DIAPH1: variants seen among roughly 807,000 people sequenced by gnomAD.
The protein encoded by DIAPH1 is diaphanous related formin 1.
DIAPH1 carries 46 observed loss-of-function variants against 140.7 expected under a neutral mutation model. That is an observed-to-expected ratio of 0.33 (90% CI 0.26 to 0.42). DIAPH1 has a LOEUF of 0.42. Ranked by LOEUF, DIAPH1 falls within the 10% of genes least tolerant of loss-of-function variation. DIAPH1 has a pLI of 1.00. For missense variants in DIAPH1, 1,310 were observed against 1,558.7 expected (o/e 0.84, Z 2.69); for synonymous variants, 565 against 551.6 (o/e 1.02, Z -0.34).
chr5:141,618,951 G>A lies in DIAPH1; in HGVS notation c.-37C>T, dbSNP rs1394776845. The A allele has an allele frequency of 8.0e-7, 1 of 1,249,586 alleles. No individual in the cohort carries two copies. Among genetic ancestry groups the A allele is most frequent in the Non-Finnish European group, 1.1e-6 (1 of 932,946 alleles). 77.4% of individuals were successfully genotyped at this position (1,249,586 alleles called of 1,614,324 possible). On this transcript the variant is annotated 5_prime_UTR_variant, in exon 1 of 28. Coordinates refer to ENST00000389054, the MANE Select transcript of DIAPH1 (RefSeq NM_005219.5). ...CGCTGGCCGGCGACCCCGCGCCTACGCCGCTCCCGCCTGGCAGCTCCGCGC... is the reference window on the plus strand; with the variant it reads ...CGCTGGCCGGCGACCCCGCGCCTACACCGCTCCCGCCTGGCAGCTCCGCGC...
In DIAPH1 at chr5:141,527,648, A is replaced by G. The variant is rs906341811; in HGVS notation, c.3198T>C (p.Ile1066=). The change falls in exon 24 of 28, where the codon ATT becomes ATC. Residue 1066 remains isoleucine, a synonymous_variant. Transcript: ENST00000389054. ...TCTGAACATCACGTTCCACATCAGAAATTTGTTTCTTCATCTGATCTAGGT... is the reference window on the plus strand; with the variant it reads ...TCTGAACATCACGTTCCACATCAGAGATTTGTTTCTTCATCTGATCTAGGT... ...QKNLDQMKKQ[I]SDVERDVQNF... is the part of the protein sequence containing the mutation. 15 of 1,604,664 alleles carry G rather than the reference A, an allele frequency of 9.3e-6. No individual in the cohort carries two copies. Among genetic ancestry groups the G allele is most frequent in the Middle Eastern group, 1.7e-4 (1 of 6,038 alleles).
intron 7 of DIAPH1, 188 bp downstream of exon 7, chr5:141,582,124 G>T: frequency 3.7e-6 from 1 of 267,012 alleles, no homozygotes; most frequent in Non-Finnish European, 7.1e-6. Flanking sequence ...CTCTGAAACA[G>T]AAGTTAGAAC....
chr5:141,591,106 C>T (rs2099898326), intron 1 of DIAPH1, among the ~76,000 whole-genome samples: 1 of 152,148 alleles, frequency 6.6e-6, no homozygotes, highest in South Asian at 2.1e-4. Flanking sequence ...TCTCAGCAAA[C>T]TCTCCACCTC....
chr5:141,550,493 T>A (rs2099891525), intron 18 of DIAPH1: 3 of 154,450 alleles, frequency 1.9e-5, no homozygotes, highest in African/African-American at 7.2e-5. Flanking sequence ...GTCTAGATGT[T>A]CCTTCCTTGG....
intron 1 of DIAPH1, among the ~76,000 whole-genome samples, chr5:141,609,881 G>A (rs543088525): frequency 2.0e-5 from 3 of 152,190 alleles, no homozygotes; most frequent in Non-Finnish European, 4.4e-5. Flanking sequence ...AATCCTCAGA[G>A]TATCAGAAAT....
At chr5:141,578,701 CT>C in intron 9 of DIAPH1, 76 bp from the exon 10 acceptor site, 1 of 1,101,672 alleles carries the variant, frequency 9.1e-7, no homozygotes, top group Non-Finnish European at 1.4e-6. Context: ...TACATGCATT[CT>C]TAGGTCCCCA....
At chr5:141,523,205 G>C (rs1278306957) in intron 27 of DIAPH1, among the ~76,000 whole-genome samples, 1 of 152,234 alleles carries the variant, frequency 6.6e-6, no homozygotes, top group East Asian at 1.9e-4. Flanking sequence ...CAACAGCCAG[G>C]AAACAGGGAA....
At chr5:141,526,004 T>C in intron 26 of DIAPH1, 34 bp downstream of exon 26, 1 of 1,613,076 alleles carries the variant, frequency 6.2e-7, no homozygotes, top group Non-Finnish European at 8.5e-7. Flanking sequence ...CCAACATTCC[T>C]ATCTCAGCCC....
At chr5:141,544,138 G>A (rs2099890424) in intron 18 of DIAPH1, among the ~76,000 whole-genome samples, 1 of 151,650 alleles carries the variant, frequency 6.6e-6, no homozygotes, top group African/African-American at 2.4e-5. Context: ...GTGAAACCCT[G>A]TCTCTAGTAA....
chr5:141,550,758 C>T (rs1304607734), intron 18 of DIAPH1, among the ~76,000 whole-genome samples: 3 of 152,162 alleles, frequency 2.0e-5, no homozygotes, highest in African/African-American at 7.2e-5. Flanking sequence ...TACAGGTGCA[C>T]ACCACCATGC....
chr5:141,571,339 GT>G, intron 18 of DIAPH1, 88 bp downstream of exon 18: 1 of 1,176,816 alleles, frequency 8.5e-7, no homozygotes, highest in South Asian at 1.4e-5. Context: ...TCTGGTCTCA[GT>G]TTTCTAATGA....
chr5:141,576,667 G>T, intron 13 of DIAPH1, 89 bp downstream of exon 13: 2 of 932,548 alleles, frequency 2.1e-6, no homozygotes, highest in Non-Finnish European at 3.5e-6. Context: ...GACTGGAAAG[G>T]TATCTTCTCT....
intron 18 of DIAPH1, among the ~76,000 whole-genome samples, chr5:141,536,233 T>C (rs1024091194): frequency 6.6e-6 from 1 of 152,092 alleles, no homozygotes; most frequent in African/African-American, 2.4e-5. Context: ...GCCCAGGAGA[T>C]TGAGGCTGCA....
At chr5:141,542,157 G>C (rs1040776543) in intron 18 of DIAPH1, among the ~76,000 whole-genome samples, 3 of 152,162 alleles carry the variant, frequency 2.0e-5, no homozygotes, top group African/African-American at 7.2e-5. Context: ...CTGTCCACCA[G>C]GCGCAGTGGC....
In DIAPH1 at chr5:141,618,782, T is replaced by G; in HGVS notation, c.117+16A>C. The G allele has an allele frequency of 6.5e-7, 1 of 1,527,726 alleles. No individual in the cohort carries two copies. The highest frequency in any genetic ancestry group is 8.9e-7 in the Non-Finnish European group (1 of 1,124,584). 94.6% of individuals were successfully genotyped at this position (1,527,726 alleles called of 1,614,324 possible). A position where few individuals can be genotyped will look rare whatever the true frequency, so the allele number is the denominator to read the frequency against. On this transcript the variant is annotated intron_variant, in intron 1 of 27. Transcript: ENST00000389054. ...GTTACGGGGCCAGGCAGGAGCGGGATGGGAGGGACACTCACAAATTTCTTA... is the reference window on the plus strand; with the variant it reads ...GTTACGGGGCCAGGCAGGAGCGGGAGGGGAGGGACACTCACAAATTTCTTA...
chr5:141,576,064 T>C (rs1215683639), intron 14 of DIAPH1, among the ~76,000 whole-genome samples, 166 bp downstream of exon 14: 2 of 152,214 alleles, frequency 1.3e-5, no homozygotes, highest in South Asian at 2.1e-4. Flanking sequence ...CATATCACTT[T>C]CTCCAATGAC....
chr5:141,555,093 G>A (rs769612518), intron 18 of DIAPH1, among the ~76,000 whole-genome samples: 4 of 151,964 alleles, frequency 2.6e-5, no homozygotes, highest in Non-Finnish European at 5.9e-5. Flanking sequence ...TGTACACTTC[G>A]ACCTGAAATA....
At position 141,587,205 on chromosome 5, in the gene DIAPH1, A is replaced by G; in HGVS notation, c.145-8T>C. ...GCTGGTAAATCTCTCCAGCTGAGAAACAGAAAAAAGCATTAGCAGTGATCC... is the reference window on the plus strand; with the variant it reads ...GCTGGTAAATCTCTCCAGCTGAGAAGCAGAAAAAAGCATTAGCAGTGATCC... On this transcript the variant is annotated splice_polypyrimidine_tract_variant and splice_region_variant and intron_variant, in intron 2 of 27. Transcript: ENST00000389054. The G allele has an allele frequency of 6.2e-7, 1 of 1,613,774 alleles. No individual in the cohort carries two copies. Among genetic ancestry groups the G allele is most frequent in the South Asian group, 1.1e-5 (1 of 91,066 alleles).
In DIAPH1 at chr5:141,565,427, G is replaced by A. The variant is rs1022532837; in HGVS notation, c.2482+6001C>T. Among the ~76,000 whole-genome samples the A allele has an allele frequency of 1.3e-5, 2 of 152,100 alleles. No individual in the cohort carries two copies. Among genetic ancestry groups the A allele is most frequent in the Non-Finnish European group, 2.9e-5 (2 of 68,036 alleles). On this transcript the variant is annotated intron_variant, in intron 18 of 27. Transcript: ENST00000389054. The surrounding 1 kb of genome is among the most constrained non-coding windows in gnomAD (Gnocchi z 4.3). The stretch of plus-strand genomic sequence containing the variant: ...TATGATTTAACCACAGTCACTCTGG[G>A]GGAGGACACCTTTTTACCCTGTATT...
Sources: allele counts gnomAD v4.1 joint callset (sites outside exome capture counted in the v4.1 genomes callset), GRCh38; gene constraint gnomAD v4.1.1; non-coding constraint Gnocchi (gnomAD v3.1); transcripts MANE v1.5; gene names NCBI Gene and HGNC (gene_info 2026-07-23, HGNC 2026-07-21).